The following TRAF5 variants were observed in gnomAD, a reference collection of about 807,000 sequenced individuals.
The protein encoded by TRAF5 is TNF receptor associated factor 5, also known as TNF receptor-associated factor 5.
TRAF5 carries 48 observed loss-of-function variants against 64.5 expected under a neutral mutation model. The observed-to-expected ratio is 0.74, with a 90% CI of 0.59 to 0.95. TRAF5 has a LOEUF of 0.95. Among genes scored for constraint, TRAF5 ranks in the 40% least tolerant of loss-of-function variants. TRAF5 has a pLI of 0.00. For synonymous variants in TRAF5, 206 were observed against 240.5 expected, an observed-to-expected ratio of 0.86 and a Z score of 1.33; for missense variants, 545 against 662.8, an observed-to-expected ratio of 0.82 and a Z score of 1.95.
chr1:211,362,869 A>AG (rs1703229984), intron 7 of TRAF5, among the ~76,000 whole-genome samples: 1 of 152,138 alleles, frequency 6.6e-6, no homozygotes, highest in East Asian at 1.9e-4. Flanking sequence ...TGATCAGACA[A>AG]AAAAAAGGGG....
At chr1:211,356,494 T>G (rs1423641857) in intron 4 of TRAF5, 26 bp downstream of exon 4, 2 of 1,602,324 alleles carry the variant, frequency 1.2e-6, no homozygotes, top group East Asian at 2.2e-5. Context: ...GAACGATATC[T>G]GCTTTTGCCA....
At chr1:211,331,376 T>G (rs1702151860) in intron 1 of TRAF5, among the ~76,000 whole-genome samples, 1 of 152,240 alleles carries the variant, frequency 6.6e-6, no homozygotes, top group Non-Finnish European at 1.5e-5. Context: ...CTGGTTGTAG[T>G]TATATAATCT....
intron 7 of TRAF5, among the ~76,000 whole-genome samples, chr1:211,362,710 C>T (rs1044989702): frequency 6.6e-6 from 1 of 152,022 alleles, no homozygotes; most frequent in African/African-American, 2.4e-5. Context: ...CCCCCAACAA[C>T]AACAAAAGCC....
At position 211,326,937 on chromosome 1, in the gene TRAF5, C is replaced by CG; in HGVS notation, c.-2+52dup. 1.0e-6 allele frequency: 1 copy of CG among 981,750 alleles called. No homozygotes were observed. Among genetic ancestry groups the CG allele is most frequent in the Non-Finnish European group, 1.2e-6 (1 of 826,388 alleles). 60.8% of individuals were successfully genotyped at this position (981,750 alleles called of 1,614,324 possible). A position where few individuals can be genotyped will look rare whatever the true frequency, so the allele number is the denominator to read the frequency against. On this transcript the variant is annotated intron_variant, in intron 1 of 10. Coordinates refer to ENST00000261464, the MANE Select transcript of TRAF5 (RefSeq NM_001033910.3). This position sits in a 1 kb window ranked among gnomAD's most constrained non-coding sequence, Gnocchi z 5.0. Reference sequence around the variant, plus strand: ...CTGGGCACCCTCGCGACGGAAGGGCCGGGGTGGGGACACCGACGAGCGCTT... The same window carrying CG: ...CTGGGCACCCTCGCGACGGAAGGGCCGGGGGTGGGGACACCGACGAGCGCTT...
chr1:211,352,665 G>A (rs963532455), intron 1 of TRAF5, among the ~76,000 whole-genome samples: 4 of 151,928 alleles, frequency 2.6e-5, no homozygotes, highest in South Asian at 2.1e-4. Flanking sequence ...TTGTGCTGAC[G>A]TAACAAAATA....
Position 211,360,156 on chromosome 1 carries a change from C to T in TRAF5, c.543+80C>T. ...GGTCACAGTGAATCAGGTGGAATGC[C>T]AGAAGAACATTCCTGCATTTATTTT... On this transcript the variant is annotated intron_variant, in intron 5 of 10. Coordinates refer to ENST00000261464, the MANE Select transcript of TRAF5 (RefSeq NM_001033910.3). 5 of 1,382,886 alleles carry T rather than the reference C, an allele frequency of 3.6e-6. No homozygotes were observed. The Admixed American group carries it at 7.2e-5, about 20-fold the overall frequency. The allele number at this position is 1,382,886 out of a possible 1,614,324, so 85.7% of individuals were successfully genotyped here.
In TRAF5 at chr1:211,372,696, T is replaced by A; in HGVS notation, c.1668T>A (p.Asp556Glu). 6.2e-7 allele frequency: 1 copy of A among 1,613,944 alleles called. No homozygotes were observed. Among genetic ancestry groups the A allele is most frequent in the Non-Finnish European group, 8.5e-7 (1 of 1,179,868 alleles). Reference protein sequence around the residue: ...KVAVDLTDLEDL With the variant: ...KVAVDLTDLEEL ...CCGTGGACTTAACTGACCTGGAGGA[T>A]CTCTAGTCACTGTTATGGGGTGATA... is the stretch of plus-strand genomic sequence containing the variant. Residue 556 changes from aspartate to glutamate, a missense_variant, in exon 11 of 11, where the codon GAT (aspartate) becomes GAA (glutamate). Asp to Glu is a conservative substitution (Grantham distance 45). Coordinates refer to ENST00000261464, the MANE Select transcript of TRAF5 (RefSeq NM_001033910.3).
chr1:211,361,725 G>T (rs1703190582), intron 7 of TRAF5, among the ~76,000 whole-genome samples: 1 of 113,306 alleles, frequency 8.8e-6, no homozygotes, highest in East Asian at 2.8e-4. Context: ...TTGAGACAGA[G>T]TCTTGCTCTG....
At position 211,374,856 on chromosome 1, in the gene TRAF5, A is replaced by AG. The variant is rs1473284724; in HGVS notation, c.*2156dup. On this transcript the variant is annotated 3_prime_UTR_variant, in exon 11 of 11. Transcript: ENST00000261464. The stretch of plus-strand genomic sequence containing the variant: ...AAGTATGTCATGGCATGGTTTGCTT[A>AG]GGAGTTCAGAGTTCCTTCATCATCG... 6.6e-6 allele frequency: 1 copy of AG among 152,226 alleles called. No individual in the cohort carries two copies. The highest frequency in any genetic ancestry group is 2.4e-5 in the African/African-American group (1 of 41,456). 9.4% of individuals were successfully genotyped at this position (152,226 alleles called of 1,614,324 possible).
intron 2 of TRAF5, among the ~76,000 whole-genome samples, chr1:211,353,921 A>G (rs1162031314): frequency 2.6e-5 from 4 of 152,228 alleles, no homozygotes; most frequent in African/African-American, 9.6e-5. Flanking sequence ...ATGTGGAAGC[A>G]GGTACACTTT....
chr1:211,368,464 A>G (rs1372676043), intron 8 of TRAF5, among the ~76,000 whole-genome samples: 1 of 152,188 alleles, frequency 6.6e-6, no homozygotes, highest in African/African-American at 2.4e-5. Context: ...TGTGAGGTTC[A>G]TGGCAGTTCC....
At chr1:211,329,343 C>A (rs1241870571) in intron 1 of TRAF5, among the ~76,000 whole-genome samples, 5 of 152,220 alleles carry the variant, frequency 3.3e-5, no homozygotes, top group Non-Finnish European at 7.3e-5. Context: ...AGAGGTTGAG[C>A]TCCCAGCAGG....
At chr1:211,351,934 GT>G (rs1702798551) in intron 1 of TRAF5, among the ~76,000 whole-genome samples, 1 of 152,106 alleles carries the variant, frequency 6.6e-6, no homozygotes, top group Non-Finnish European at 1.5e-5. Context: ...TCAATATTGT[GT>G]TGCTGTGTTG....
chr1:211,353,145 C>T (rs985893718), intron 1 of TRAF5, 94 bp from the exon 2 acceptor site: 96 of 1,213,856 alleles, frequency 7.9e-5, no homozygotes, highest in Non-Finnish European at 1.0e-4. Context: ...ATGATGTACA[C>T]TAATTATGAG....
chr1:211,354,283 G>T, intron 2 of TRAF5, 127 bp from the exon 3 acceptor site: 1 of 760,508 alleles, frequency 1.3e-6, no homozygotes, highest in Non-Finnish European at 2.2e-6. Context: ...TGGGTAGAGG[G>T]AACAGCATGT....
chr1:211,351,183 C>T (rs78024665), intron 1 of TRAF5, among the ~76,000 whole-genome samples: 13,714 of 151,998 alleles, frequency 0.09, 1,403 homozygotes, highest in East Asian at 0.55. Context: ...CCTGCCACCA[C>T]GCCTGGCTAA....
intron 1 of TRAF5, among the ~76,000 whole-genome samples, chr1:211,345,409 G>T (rs1333333606): frequency 6.6e-6 from 1 of 151,446 alleles, no homozygotes; most frequent in East Asian, 1.9e-4. Context: ...TGTTCTTCCT[G>T]GAAGAGCAGA....
chr1:211,369,346 AT>A (rs1004634877), intron 8 of TRAF5, 105 bp from the exon 9 acceptor site: 158 of 1,052,954 alleles, frequency 1.5e-4, no homozygotes, highest in African/African-American at 6.6e-5. Flanking sequence ...AAATATGTAG[AT>A]TTTTTCCTAG....
chr1:211,353,751 G>C (rs997019568), intron 2 of TRAF5: 1 of 435,006 alleles, frequency 2.3e-6, no homozygotes, highest in Admixed American at 3.5e-5. Flanking sequence ...AGAAGGGCTT[G>C]AATCTCACAA....
Sources: allele counts gnomAD v4.1 joint callset (sites outside exome capture counted in the v4.1 genomes callset), GRCh38; gene constraint gnomAD v4.1.1; non-coding constraint Gnocchi (gnomAD v3.1); transcripts MANE v1.5; gene names NCBI Gene and HGNC (gene_info 2026-07-23, HGNC 2026-07-21).